RTL4: variants seen among roughly 807,000 people sequenced by gnomAD.
The protein encoded by RTL4 is retrotransposon Gag like 4.
Under a neutral mutation model 5.3 loss-of-function variants are expected in RTL4, and 4 were observed. The observed-to-expected ratio is 0.75, with a 90% CI of 0.37 to 1.72. RTL4 has a LOEUF of 1.72. Among genes scored for constraint, RTL4 ranks in the 40% most tolerant of loss-of-function variants. The pLI is 0.04. For synonymous variants in RTL4, 98 were observed against 87.3 expected (o/e 1.12, Z -0.68); for missense variants, 260 against 227.1 (o/e 1.14, Z -0.93).
At chrX:112,159,944 A>G in the RTL4 span, among the ~76,000 whole-genome samples, 1 of 110,834 alleles carries the variant, frequency 9.0e-6, no homozygotes. Context: ...GGCCACTTCC[A>G]TGGAGTCTCT....
At chrX:112,255,048 C>T in the RTL4 span, among the ~76,000 whole-genome samples, 1 of 111,964 alleles carries the variant, frequency 8.9e-6, no homozygotes, top group East Asian at 2.8e-4. Flanking sequence ...TTACTTACAA[C>T]TTAACAAAAA....
the RTL4 span, among the ~76,000 whole-genome samples, chrX:112,399,919 A>G: frequency 9.0e-6 from 1 of 111,601 alleles, no homozygotes; most frequent in Non-Finnish European, 1.9e-5. Context: ...TTATAATATT[A>G]AAAAGCTACT....
chrX:112,290,253 C>T, the RTL4 span, among the ~76,000 whole-genome samples: 11 of 111,943 alleles, frequency 9.8e-5, no homozygotes, highest in African/African-American at 2.6e-4. Context: ...ATTTATAAAC[C>T]GGGGCTATAT....
At chrX:112,139,784 T>A in the RTL4 span, among the ~76,000 whole-genome samples, 1 of 112,235 alleles carries the variant, frequency 8.9e-6, no homozygotes, top group South Asian at 3.7e-4. Flanking sequence ...AATTCCCACA[T>A]GTTGTGGGAG....
the RTL4 span, among the ~76,000 whole-genome samples, chrX:112,280,000 A>G: frequency 8.9e-6 from 1 of 111,754 alleles, no homozygotes; most frequent in African/African-American, 3.2e-5. Context: ...TAAACCAATT[A>G]TACTGAGATT....
At chrX:112,427,991 T>G in the RTL4 span, among the ~76,000 whole-genome samples, 2 of 110,651 alleles carry the variant, frequency 1.8e-5, no homozygotes, top group African/African-American at 6.5e-5. Context: ...CCTCATAGCT[T>G]AGCTCCCACT....
At chrX:112,243,475 T>C in the RTL4 span, among the ~76,000 whole-genome samples, 11 of 111,977 alleles carry the variant, frequency 9.8e-5, 1 homozygote, top group Admixed American at 1.0e-3. Flanking sequence ...TTTTCTAGTA[T>C]ATTTGTGTAG....
At chrX:112,337,992 T>G in the RTL4 span, among the ~76,000 whole-genome samples, 1 of 111,963 alleles carries the variant, frequency 8.9e-6, no homozygotes, top group South Asian at 3.8e-4. Flanking sequence ...TCACTGTCTT[T>G]TTAGATTTTT....
the RTL4 span, among the ~76,000 whole-genome samples, chrX:112,106,682 T>C: frequency 2.7e-5 from 3 of 111,645 alleles, no homozygotes; most frequent in Non-Finnish European, 5.7e-5. Flanking sequence ...CATTTGTTAT[T>C]TTTTGTTTTT....
At chrX:112,098,006 C>A in the RTL4 span, among the ~76,000 whole-genome samples, 12 of 111,070 alleles carry the variant, frequency 1.1e-4, no homozygotes. Flanking sequence ...ATGTGCACAA[C>A]GTGCAGGTTA....
chrX:112,225,296 G>A, the RTL4 span, among the ~76,000 whole-genome samples: 3 of 111,717 alleles, frequency 2.7e-5, no homozygotes, highest in African/African-American at 6.5e-5. Flanking sequence ...GGCATATTAC[G>A]TGTATACATA....
the RTL4 span, among the ~76,000 whole-genome samples, chrX:112,393,685 G>A: frequency 4.5e-5 from 5 of 112,279 alleles, no homozygotes; most frequent in Admixed American, 2.8e-4. Context: ...GGCTAAGTCA[G>A]CCAAACAGCA....
At chrX:112,259,319 C>T in the RTL4 span, among the ~76,000 whole-genome samples, 2 of 111,256 alleles carry the variant, frequency 1.8e-5, no homozygotes, top group Non-Finnish European at 3.8e-5. Context: ...AGCAAGTCCT[C>T]ATAGAAATCT....
chrX:112,174,488 A>G, the RTL4 span, among the ~76,000 whole-genome samples: 2 of 105,081 alleles, frequency 1.9e-5, no homozygotes, highest in Admixed American at 1.0e-4. Flanking sequence ...TCATTGATGG[A>G]CATTTGGGTT....
chrX:112,111,378 C>G, the RTL4 span, among the ~76,000 whole-genome samples: 14 of 111,988 alleles, frequency 1.3e-4, no homozygotes, highest in African/African-American at 4.2e-4. Flanking sequence ...GCTGGTCTTT[C>G]CCTGTCTCTG....
the RTL4 span, among the ~76,000 whole-genome samples, chrX:112,153,723 T>G: frequency 9.0e-6 from 1 of 111,617 alleles, no homozygotes; most frequent in Non-Finnish European, 1.9e-5. Context: ...GTATATATTT[T>G]TACACAAAAA....
At chrX:112,415,121 T>C in the RTL4 span, among the ~76,000 whole-genome samples, 6 of 111,545 alleles carry the variant, frequency 5.4e-5, no homozygotes, top group Non-Finnish European at 1.1e-4. Flanking sequence ...TATAAGTATA[T>C]AGCTTGAAAA....
the RTL4 span, among the ~76,000 whole-genome samples, chrX:112,225,028 T>G: frequency 8.9e-6 from 1 of 112,181 alleles, no homozygotes; most frequent in African/African-American, 3.2e-5. Context: ...CAGCAGGTAA[T>G]TACTAATATT....
chrX:112,248,574 C>A, the RTL4 span, among the ~76,000 whole-genome samples: 1 of 112,287 alleles, frequency 8.9e-6, no homozygotes, highest in South Asian at 3.7e-4. Context: ...TGTTCATATA[C>A]CCTATCATTC....
Sources: gnomAD v4.1 joint callset for allele counts (sites outside exome capture counted in the v4.1 genomes callset) on GRCh38, gnomAD v4.1.1 for gene constraint, MANE v1.5 for transcripts, NCBI Gene and HGNC (gene_info 2026-07-23, HGNC 2026-07-21) for gene names.